Variants in CTNNBIP1 observed in about 807,000 individuals in gnomAD.
The protein encoded by CTNNBIP1 is beta-catenin-interacting protein 1.
A neutral mutation model predicts 11.8 loss-of-function variants in CTNNBIP1; 7 were observed. That is an observed-to-expected ratio of 0.60 (90% CI 0.34 to 1.12). CTNNBIP1 has a LOEUF of 1.12. Ranked by LOEUF, CTNNBIP1 falls within the 50% of genes most tolerant of loss-of-function variation. The probability of loss-of-function intolerance (pLI) is 0.03; values close to 1 mark genes in which losing one functional copy is unlikely to be tolerated. For synonymous variants in CTNNBIP1, 58 were observed against 43.9 expected, an observed-to-expected ratio of 1.32 and a Z score of -1.26; for missense variants, 101 against 113.4, an observed-to-expected ratio of 0.89 and a Z score of 0.50.
At chr1:9,899,684 G>A (rs554014401) in intron 1 of CTNNBIP1, among the ~76,000 whole-genome samples, 58 of 151,920 alleles carry the variant, frequency 3.8e-4, no homozygotes, top group South Asian at 6.2e-4. Flanking sequence ...ACTTGAACCC[G>A]GGAGGCGGAG....
intron 2 of CTNNBIP1, among the ~76,000 whole-genome samples, chr1:9,879,610 GCT>G (rs1639041959): frequency 6.6e-6 from 1 of 152,164 alleles, no homozygotes; most frequent in South Asian, 2.1e-4. Flanking sequence ...GCAATTAATT[GCT>G]CTTTTATTCC....
At chr1:9,869,186 GA>G (rs1638807588) in intron 5 of CTNNBIP1, among the ~76,000 whole-genome samples, 1 of 151,982 alleles carries the variant, frequency 6.6e-6, no homozygotes, top group Non-Finnish European at 1.5e-5. Context: ...TTTTTGTAGC[GA>G]GAGGGTCTCC....
At chr1:9,905,480 T>C (rs1021974034) in intron 1 of CTNNBIP1, among the ~76,000 whole-genome samples, 2 of 151,924 alleles carry the variant, frequency 1.3e-5, no homozygotes, top group Admixed American at 1.3e-4. Flanking sequence ...TGGAGGGCAG[T>C]GGCACGATCT....
At chr1:9,854,279 A>C (rs1001062304) in intron 5 of CTNNBIP1, among the ~76,000 whole-genome samples, 5 of 151,716 alleles carry the variant, frequency 3.3e-5, no homozygotes, top group Admixed American at 6.6e-5. Context: ...GAGCCAGGAG[A>C]ATCGCTTGAA....
chr1:9,891,781 AT>A (rs70998316), intron 1 of CTNNBIP1, among the ~76,000 whole-genome samples: 966 of 81,384 alleles, frequency 0.012, 11 homozygotes, highest in Admixed American at 0.055. Flanking sequence ...ATCTCTTTAA[AT>A]TTTTTTTTTT....
chr1:9,905,343 G>A (rs1451987099), intron 1 of CTNNBIP1, among the ~76,000 whole-genome samples: 2 of 152,014 alleles, frequency 1.3e-5, no homozygotes, highest in Non-Finnish European at 2.9e-5. Flanking sequence ...CCTTCTCAGA[G>A]CTAAAGTTAT....
intron 5 of CTNNBIP1, among the ~76,000 whole-genome samples, chr1:9,852,806 G>A (rs1392740035): frequency 6.6e-6 from 1 of 152,204 alleles, no homozygotes; most frequent in Non-Finnish European, 1.5e-5. Context: ...TTTCGCTCAG[G>A]GACCTTGGGC....
intron 5 of CTNNBIP1, among the ~76,000 whole-genome samples, chr1:9,860,444 A>AC (rs1557746337): frequency 2.7e-5 from 4 of 149,978 alleles, no homozygotes; most frequent in South Asian, 2.1e-4. Context: ...AAAAAAAAAA[A>AC]AAAAAAAAAA....
chr1:9,880,200 C>T (rs1207431284), intron 2 of CTNNBIP1, among the ~76,000 whole-genome samples: 4 of 148,848 alleles, frequency 2.7e-5, no homozygotes, highest in African/African-American at 9.8e-5. Flanking sequence ...TATTGTTCAA[C>T]TCCCACTTAT....
intron 5 of CTNNBIP1, among the ~76,000 whole-genome samples, chr1:9,870,007 G>C: frequency 6.6e-6 from 1 of 152,262 alleles, no homozygotes; most frequent in East Asian, 1.9e-4. Context: ...TGCTGTCCCA[G>C]GGAGCTGCCT....
chr1:9,885,672 G>C (rs1306264312), intron 1 of CTNNBIP1, among the ~76,000 whole-genome samples: 1 of 151,888 alleles, frequency 6.6e-6, no homozygotes, highest in African/African-American at 2.4e-5. Flanking sequence ...GGACAGGTGC[G>C]GTGGCTCAGA....
intron 2 of CTNNBIP1, among the ~76,000 whole-genome samples, chr1:9,881,173 C>T (rs1305235703): frequency 6.6e-6 from 1 of 151,614 alleles, no homozygotes; most frequent in Admixed American, 6.6e-5. Context: ...ATGGCTGAAC[C>T]ACAGGCATGC....
At chr1:9,873,962 CT>C (rs2101486130) in intron 3 of CTNNBIP1, among the ~76,000 whole-genome samples, 1 of 152,234 alleles carries the variant, frequency 6.6e-6, no homozygotes, top group East Asian at 1.9e-4. Context: ...TGGTCTCAAA[CT>C]CCTGGGCTCA....
chr1:9,886,939 A>G (rs1220460156), intron 1 of CTNNBIP1, among the ~76,000 whole-genome samples: 1 of 152,208 alleles, frequency 6.6e-6, no homozygotes, highest in East Asian at 1.9e-4. Flanking sequence ...TCCACGTTGC[A>G]GCCTCCTCCA....
rs1166609497 is a variant in CTNNBIP1, at chr1:9,883,582, C to G, written c.-110+123G>C. 1 of 152,850 alleles carries G rather than the reference C, an allele frequency of 6.5e-6. No homozygotes were observed. The highest frequency in any genetic ancestry group is 1.5e-5 in the Non-Finnish European group (1 of 68,134). The allele number at this position is 152,850 out of a possible 1,614,324, so 9.5% of individuals were successfully genotyped here. On this transcript the variant is annotated intron_variant, in intron 2 of 5. Transcript: ENST00000377263. The surrounding 1 kb of genome is among the most constrained non-coding windows in gnomAD (Gnocchi z 5.6). The stretch of plus-strand genomic sequence containing the variant: ...AACCCCATGCCAGCCTGATCCAGCA[C>G]CTGGTGTGTGGCATGGCAGGCCCAC...
chr1:9,865,414 C>T (rs1638723108), intron 5 of CTNNBIP1, among the ~76,000 whole-genome samples: 1 of 152,006 alleles, frequency 6.6e-6, no homozygotes, highest in Admixed American at 6.6e-5. Context: ...TCCTGGCTAA[C>T]ACGGTGAAAC....
intron 1 of CTNNBIP1, among the ~76,000 whole-genome samples, chr1:9,891,510 T>A (rs553914557): frequency 6.6e-6 from 1 of 152,306 alleles, no homozygotes; most frequent in South Asian, 2.1e-4. Flanking sequence ...ATTAAATCAA[T>A]TGGATCGGCT....
chr1:9,899,486 C>T (rs1220725003), intron 1 of CTNNBIP1, among the ~76,000 whole-genome samples: 1 of 143,186 alleles, frequency 7.0e-6, no homozygotes, highest in Admixed American at 7.1e-5. Flanking sequence ...AAATGACAGG[C>T]GCAGTGCCTC....
intron 5 of CTNNBIP1, among the ~76,000 whole-genome samples, chr1:9,864,853 C>T (rs1638710689): frequency 6.6e-6 from 1 of 152,198 alleles, no homozygotes; most frequent in Admixed American, 6.5e-5. Flanking sequence ...GAAAGTGTTC[C>T]CCATTTGTTC....
Sources: allele counts gnomAD v4.1 joint callset (sites outside exome capture counted in the v4.1 genomes callset), GRCh38; gene constraint gnomAD v4.1.1; non-coding constraint Gnocchi (gnomAD v3.1); transcripts MANE v1.5; gene names NCBI Gene and HGNC (gene_info 2026-07-23, HGNC 2026-07-21).